The following PPP5C variants were observed in gnomAD, a reference collection of about 807,000 sequenced individuals.
PPP5C encodes protein phosphatase 5 catalytic subunit, also known as serine/threonine-protein phosphatase 5.
PPP5C carries 21 observed loss-of-function variants against 66.7 expected under a neutral mutation model. The observed-to-expected ratio is 0.31, with a 90% confidence interval of 0.22 to 0.45. The LOEUF is 0.45. PPP5C is among the 20% of genes least tolerant of loss of function. The probability of loss-of-function intolerance (pLI) is 1.00; values close to 1 mark genes in which losing one functional copy is unlikely to be tolerated. For synonymous variants in PPP5C, 246 were observed against 257.4 expected, an observed-to-expected ratio of 0.96 and a Z score of 0.43; for missense variants, 464 against 675.9, an observed-to-expected ratio of 0.69 and a Z score of 3.48.
chr19:46,363,706 G>A (rs1227396377), intron 2 of PPP5C, among the ~76,000 whole-genome samples: 2 of 152,148 alleles, frequency 1.3e-5, no homozygotes, highest in Non-Finnish European at 2.9e-5. Context: ...TGGGATTACA[G>A]GCATGAGCCA....
chr19:46,369,636 A>G (rs1972550926), intron 2 of PPP5C, among the ~76,000 whole-genome samples: 1 of 145,534 alleles, frequency 6.9e-6, no homozygotes, highest in Admixed American at 6.8e-5. Context: ...TGTCTCAAAA[A>G]AAAAAAAAAG....
Position 46,388,363 on chromosome 19 carries a change from C to G in PPP5C, c.1136-45C>G, listed in dbSNP as rs368929831. 1.4e-5 allele frequency: 22 copies of G among 1,582,488 alleles called. No homozygotes were observed. In the Admixed American group the frequency reaches 3.6e-4, roughly 26 times the overall value. On this transcript the variant is annotated intron_variant, in intron 9 of 12. Coordinates refer to ENST00000012443, the MANE Select transcript of PPP5C (RefSeq NM_006247.4). The surrounding 1 kb of genome is among the most constrained non-coding windows in gnomAD (Gnocchi z 4.9). ...GAGGTGGCCTGTGAGTGACCACCCC[C>G]GGGGAGGTGGACGAGTCCCTAATGT...
chr19:46,379,253 C>T (rs535268463), intron 4 of PPP5C, among the ~76,000 whole-genome samples: 1 of 152,270 alleles, frequency 6.6e-6, no homozygotes, highest in Admixed American at 6.5e-5. Flanking sequence ...GGGATTGTAC[C>T]ATGTTGGCCA....
In PPP5C at chr19:46,390,589, C is replaced by G; in HGVS notation, c.*243C>G. 7 of 1,378,390 alleles carry G rather than the reference C, an allele frequency of 5.1e-6. No homozygotes were observed. Among genetic ancestry groups the G allele is most frequent in the South Asian group, 3.1e-5 (2 of 64,472 alleles). 85.4% of individuals were successfully genotyped at this position (1,378,390 alleles called of 1,614,324 possible). A position where few individuals can be genotyped will look rare whatever the true frequency, so the allele number is the denominator to read the frequency against. On this transcript the variant is annotated 3_prime_UTR_variant, in exon 13 of 13. Transcript: ENST00000012443. ...GAGCAGCTGGGGCTGGGGGCACAGC[C>G]TGGGCATTCTGTGGGGAGGCCGTCC...
In PPP5C at chr19:46,388,723, C is replaced by T; in HGVS notation, c.1347C>T (p.Pro449=). The T allele has an allele frequency of 6.2e-7, 1 of 1,614,076 alleles. No individual in the cohort carries two copies. The highest frequency in any genetic ancestry group is 8.5e-7 in the Non-Finnish European group (1 of 1,179,970). Reference sequence around the variant, plus strand: ...GCTGTGTCACCGTCTTCTCTGCCCCCAACTACTGGTATGTCTTTGCCTTTC... The same window carrying T: ...GCTGTGTCACCGTCTTCTCTGCCCCTAACTACTGGTATGTCTTTGCCTTTC... ...GGRCVTVFSA[P]NYCDQMGNKA... is the part of the protein sequence containing the mutation. The change falls in exon 11 of 13, where the codon CCC becomes CCT. Residue 449 remains proline (P), a synonymous_variant. Coordinates refer to ENST00000012443, the MANE Select transcript of PPP5C (RefSeq NM_006247.4). This position sits in a 1 kb window ranked among gnomAD's most constrained non-coding sequence, Gnocchi z 4.9.
At chr19:46,379,376 C>G (rs1972750942) in intron 4 of PPP5C, among the ~76,000 whole-genome samples, 1 of 152,082 alleles carries the variant, frequency 6.6e-6, no homozygotes, top group African/African-American at 2.4e-5. Flanking sequence ...TTAATAGAGA[C>G]AGTGTTTCAC....
At chr19:46,370,992 G>A (rs1442889284) in intron 2 of PPP5C, among the ~76,000 whole-genome samples, 1 of 152,018 alleles carries the variant, frequency 6.6e-6, no homozygotes, top group Non-Finnish European at 1.5e-5. Context: ...CGCCCACCTC[G>A]GCCTCCCAAA....
At chr19:46,355,932 G>C (rs1779911791) in intron 2 of PPP5C, among the ~76,000 whole-genome samples, 1 of 152,114 alleles carries the variant, frequency 6.6e-6, no homozygotes, top group South Asian at 2.1e-4. Flanking sequence ...CCCAGGGTAA[G>C]GAGCAGGGGC....
In PPP5C at chr19:46,390,879, G is replaced by C; in HGVS notation, c.*533G>C. The C allele has an allele frequency of 8.7e-7, 1 of 1,144,590 alleles. No homozygotes were observed. Among genetic ancestry groups the C allele is most frequent in the Non-Finnish European group, 1.1e-6 (1 of 915,922 alleles). 70.9% of individuals were successfully genotyped at this position (1,144,590 alleles called of 1,614,324 possible). On this transcript the variant is annotated 3_prime_UTR_variant, in exon 13 of 13. Coordinates refer to ENST00000012443, the MANE Select transcript of PPP5C (RefSeq NM_006247.4). The stretch of plus-strand genomic sequence containing the variant: ...CTTGTCTCTGGATGGTGGAGCCGAA[G>C]GAGCTGCCCGGGTTGGGTTACGCCT...
At chr19:46,389,782 C>T (rs565685158) in intron 11 of PPP5C, among the ~76,000 whole-genome samples, 2 of 152,134 alleles carry the variant, frequency 1.3e-5, no homozygotes, top group African/African-American at 2.4e-5. Context: ...TGGGGTCTGG[C>T]GAGCATCCAC....
chr19:46,373,789 G>C (rs1487691836), intron 2 of PPP5C, among the ~76,000 whole-genome samples: 1 of 152,178 alleles, frequency 6.6e-6, no homozygotes, highest in East Asian at 1.9e-4. Context: ...AGGGAGCCCA[G>C]GGGCCTTTGG....
In PPP5C at chr19:46,387,196, G is replaced by T; in HGVS notation, c.1008G>T (p.Glu336Asp). 1 of 1,614,272 alleles carries T rather than the reference G, an allele frequency of 6.2e-7. No homozygotes were observed. The change falls in exon 8 of 13, where the codon GAG becomes GAT. Residue 336 changes from glutamate to aspartate, a missense_variant. Physicochemically the swap from Glu to Asp is conservative, Grantham distance 45. This residue lies in a region of PPP5C where 387 missense variants were observed against 626.0 expected (regional missense o/e 0.62). Coordinates refer to ENST00000012443, the MANE Select transcript of PPP5C (RefSeq NM_006247.4). Reference sequence around the variant, plus strand: ...ACGAGCTCTTTAGCGAGGTGTTCGAGTGGCTCCCGTTGGCCCAGTGCATCA... The same window carrying T: ...ACGAGCTCTTTAGCGAGGTGTTCGATTGGCTCCCGTTGGCCCAGTGCATCA... ...QMYELFSEVF[E>D]WLPLAQCING...
chr19:46,382,145 A>C (rs2147397381), intron 4 of PPP5C: 1 of 152,322 alleles, frequency 6.6e-6, no homozygotes, highest in East Asian at 1.9e-4. Flanking sequence ...GGGAGTTGGC[A>C]GGGGGCAGAG....
intron 2 of PPP5C, among the ~76,000 whole-genome samples, chr19:46,363,169 A>G (rs1415602041): frequency 7.1e-6 from 1 of 140,262 alleles, no homozygotes; most frequent in African/African-American, 2.6e-5. Flanking sequence ...TTAGCTGGGC[A>G]TGGTGGCGGG....
chr19:46,367,769 GC>G (rs1325326835), intron 2 of PPP5C, among the ~76,000 whole-genome samples: 3 of 152,186 alleles, frequency 2.0e-5, no homozygotes, highest in Admixed American at 6.5e-5. Flanking sequence ...TCAGCACTCA[GC>G]TGCTGAAGGC....
intron 2 of PPP5C, among the ~76,000 whole-genome samples, chr19:46,361,524 A>T (rs1263413511): frequency 6.9e-6 from 1 of 144,342 alleles, no homozygotes; most frequent in Non-Finnish European, 1.5e-5. Flanking sequence ...AGGCAGGCGG[A>T]TCATGAGGTC....
In PPP5C at chr19:46,376,602, C is replaced by G. The variant is rs1478486365; in HGVS notation, c.633+28C>G. Reference sequence around the variant, plus strand: ...AATGCATCTGTCAGGTACTGGGCACCCGGGAACCCTGGGATGGCATCACAG... The same window carrying G: ...AATGCATCTGTCAGGTACTGGGCACGCGGGAACCCTGGGATGGCATCACAG... On this transcript the variant is annotated intron_variant, in intron 4 of 12. Transcript: ENST00000012443. The surrounding 1 kb of genome is among the most constrained non-coding windows in gnomAD (Gnocchi z 5.1). 6.2e-7 allele frequency: 1 copy of G among 1,609,210 alleles called. No individual in the cohort carries two copies. The highest frequency in any genetic ancestry group is 1.3e-5 in the African/African-American group (1 of 74,824).
At chr19:46,372,627 A>G (rs575106940) in intron 2 of PPP5C, among the ~76,000 whole-genome samples, 3 of 152,332 alleles carry the variant, frequency 2.0e-5, no homozygotes, top group African/African-American at 7.2e-5. Flanking sequence ...AGCTCCAGAC[A>G]TCATTACCCA....
Position 46,388,857 on chromosome 19 carries a change from A to G in PPP5C, c.1355+126A>G. 1 of 1,184,314 alleles carries G rather than the reference A, an allele frequency of 8.4e-7. No homozygotes were observed. The highest frequency in any genetic ancestry group is 1.2e-6 in the Non-Finnish European group (1 of 846,890). The allele number at this position is 1,184,314 out of a possible 1,614,324, so 73.4% of individuals were successfully genotyped here. A position where few individuals can be genotyped will look rare whatever the true frequency, so the allele number is the denominator to read the frequency against. On this transcript the variant is annotated intron_variant, in intron 11 of 12. Coordinates refer to ENST00000012443, the MANE Select transcript of PPP5C (RefSeq NM_006247.4). This position sits in a 1 kb window ranked among gnomAD's most constrained non-coding sequence, Gnocchi z 4.9. ...AAGAGCAGATAAAAGAACATGACGA[A>G]CACCCCCGTATGTGTCACCCACCCA...
Sources: allele counts gnomAD v4.1 joint callset (sites outside exome capture counted in the v4.1 genomes callset), GRCh38; gene constraint gnomAD v4.1.1; regional missense constraint gnomAD v4.1.1; non-coding constraint Gnocchi (gnomAD v3.1); transcripts MANE v1.5; gene names NCBI Gene and HGNC (gene_info 2026-07-23, HGNC 2026-07-21).